Variants in ADGRB3 observed in about 807,000 individuals in gnomAD.
The protein encoded by ADGRB3 is adhesion G protein-coupled receptor B3.
In ADGRB3, 37 loss-of-function variants were observed where a neutral mutation model predicts 193.4. The ratio of observed to expected loss-of-function variants is 0.19; its 90% CI spans 0.15 to 0.25. The LOEUF (loss-of-function observed/expected upper bound fraction) is 0.25, where lower values mean the gene tolerates loss of function less well. ADGRB3 is among the 10% of genes least tolerant of loss of function. The pLI is 1.00. For missense variants in ADGRB3, 1,637 were observed against 1,852.9 expected (o/e 0.88, Z 2.14); for synonymous variants, 690 against 644.2 (o/e 1.07, Z -1.08).
intron 20 of ADGRB3, among the ~76,000 whole-genome samples, chr6:69,244,472 A>G (rs1417709163): frequency 6.6e-6 from 1 of 152,108 alleles, no homozygotes; most frequent in African/African-American, 2.4e-5. Flanking sequence ...CAATAGTCCC[A>G]GCTTCTGCAC....
chr6:68,880,569 T>A (rs552735784), intron 3 of ADGRB3, among the ~76,000 whole-genome samples: 31 of 152,296 alleles, frequency 2.0e-4, no homozygotes, highest in Non-Finnish European at 4.0e-4. Flanking sequence ...CCTGAGGGAC[T>A]CCTGAAGCTA....
chr6:69,037,782 C>T (rs1453142979), intron 13 of ADGRB3, among the ~76,000 whole-genome samples: 1 of 152,046 alleles, frequency 6.6e-6, no homozygotes, highest in African/African-American at 2.4e-5. Flanking sequence ...GTGTCATTTT[C>T]TCAATATCTT....
chr6:68,752,485 C>A (rs1477899547), intron 3 of ADGRB3, among the ~76,000 whole-genome samples: 1 of 152,018 alleles, frequency 6.6e-6, no homozygotes, highest in Non-Finnish European at 1.5e-5. Flanking sequence ...GTTGCCCAGA[C>A]TGGTCTCGAT....
intron 3 of ADGRB3, among the ~76,000 whole-genome samples, chr6:68,691,373 G>A (rs898021156): frequency 6.6e-6 from 1 of 151,992 alleles, no homozygotes; most frequent in Non-Finnish European, 1.5e-5. Flanking sequence ...CAGGCATTTG[G>A]TCGATTGATA....
At chr6:68,857,275 C>G (rs1765015071) in intron 3 of ADGRB3, among the ~76,000 whole-genome samples, 1 of 152,154 alleles carries the variant, frequency 6.6e-6, no homozygotes, top group South Asian at 2.1e-4. Flanking sequence ...CCTCCAGACC[C>G]CTGAATGGTA....
chr6:69,196,053 G>A (rs1040299343), intron 17 of ADGRB3, among the ~76,000 whole-genome samples: 1 of 152,076 alleles, frequency 6.6e-6, no homozygotes, highest in Admixed American at 6.6e-5. Flanking sequence ...TTTTAAATGT[G>A]AGACTCCTGG....
At chr6:69,299,284 G>A (rs906701627) in intron 20 of ADGRB3, among the ~76,000 whole-genome samples, 5 of 151,448 alleles carry the variant, frequency 3.3e-5, no homozygotes, top group Non-Finnish European at 7.4e-5. Flanking sequence ...TTTTGCTATT[G>A]AGTTGTTTGA....
At position 68,722,991 on chromosome 6, in the gene ADGRB3, G is replaced by GT. The variant is rs557184107; in HGVS notation, c.757+83566dup. 2.2e-4 allele frequency among the ~76,000 whole-genome samples: 34 copies of GT among 151,754 alleles called. No individual in the cohort carries two copies. In the East Asian group the frequency reaches 3.9e-3, roughly 17 times the overall value. On this transcript the variant is annotated intron_variant, in intron 3 of 31. Coordinates refer to ENST00000370598, the MANE Select transcript of ADGRB3 (RefSeq NM_001704.3). ...GTACACTCTGGAGGGACACTGTAGG[G>GT]TTTTTTTACAGGCATTCTTTTGGTG...
chr6:69,086,273 T>C (rs1050786922), intron 17 of ADGRB3, among the ~76,000 whole-genome samples: 7 of 152,134 alleles, frequency 4.6e-5, no homozygotes, highest in Non-Finnish European at 8.8e-5. Flanking sequence ...CTATATAGTA[T>C]ATAGAAAGCT....
intron 3 of ADGRB3, among the ~76,000 whole-genome samples, chr6:68,678,529 A>G (rs918423482): frequency 6.6e-6 from 1 of 152,210 alleles, no homozygotes. Flanking sequence ...TATAAAAGAC[A>G]GGTGGATAGA....
intron 16 of ADGRB3, among the ~76,000 whole-genome samples, chr6:69,067,896 A>G (rs1771953305): frequency 6.6e-6 from 1 of 152,172 alleles, no homozygotes; most frequent in African/African-American, 2.4e-5. Flanking sequence ...ATTCTTTAAA[A>G]ACACTTTAGT....
chr6:69,195,358 A>G (rs551673571), intron 17 of ADGRB3, among the ~76,000 whole-genome samples: 3 of 151,912 alleles, frequency 2.0e-5, no homozygotes, highest in African/African-American at 7.2e-5. Flanking sequence ...AGTGGACCCT[A>G]TTTCTACAAA....
chr6:68,837,247 C>T lies in ADGRB3; in HGVS notation c.758-93312C>T, dbSNP rs1223179189. Among the ~76,000 whole-genome samples the T allele has an allele frequency of 5.3e-5, 8 of 152,286 alleles. No individual in the cohort carries two copies. In the Middle Eastern group the frequency reaches 0.014, roughly 259 times the overall value. On this transcript the variant is annotated intron_variant, in intron 3 of 31. Transcript: ENST00000370598. ...AATTAAATCTGGGTTCATAAACCTG[C>T]TGCTTTTGATACTTGCTATATTATG...
intron 11 of ADGRB3, 92 bp from the exon 12 acceptor site, chr6:69,013,946 T>C: frequency 1.3e-6 from 1 of 741,338 alleles, no homozygotes; most frequent in South Asian, 2.1e-5. Flanking sequence ...AAAGTGCTTA[T>C]ACCTTTACCA....
At chr6:69,240,497 T>C (rs1024119956) in intron 20 of ADGRB3, among the ~76,000 whole-genome samples, 10 of 151,904 alleles carry the variant, frequency 6.6e-5, no homozygotes. Flanking sequence ...GTTATAAACA[T>C]TTAATACAAA....
In ADGRB3 at chr6:69,094,587, C is replaced by T. The variant is rs139188173; in HGVS notation, c.2480+18549C>T. 4.3e-3 allele frequency among the ~76,000 whole-genome samples: 659 copies of T among 152,194 alleles called. 8 individuals carry two copies. Among genetic ancestry groups the T allele is most frequent in the East Asian group, 0.022 (114 of 5,176 alleles). On this transcript the variant is annotated intron_variant, in intron 17 of 31. Coordinates refer to ENST00000370598, the MANE Select transcript of ADGRB3 (RefSeq NM_001704.3). ...TGCTGTTGAAAGCTATATGTCATAC[C>T]GTGTTTACAATTGTAGTTATCAGAA...
At chr6:68,737,003 A>G (rs887350913) in intron 3 of ADGRB3, among the ~76,000 whole-genome samples, 3 of 152,108 alleles carry the variant, frequency 2.0e-5, no homozygotes, top group Non-Finnish European at 2.9e-5. Flanking sequence ...ATTTTCCCAT[A>G]TAGTAGCAAA....
At position 69,048,093 on chromosome 6, in the gene ADGRB3, T is replaced by A. The variant is rs1771289435; in HGVS notation, c.2108-92T>A. 5 of 1,321,980 alleles carry A rather than the reference T, an allele frequency of 3.8e-6. No individual in the cohort carries two copies. The East Asian group carries it at 1.2e-4, about 32-fold the overall frequency. The allele number at this position is 1,321,980 out of a possible 1,614,324, so 81.9% of individuals were successfully genotyped here. On this transcript the variant is annotated intron_variant, in intron 13 of 31. Coordinates refer to ENST00000370598, the MANE Select transcript of ADGRB3 (RefSeq NM_001704.3). ...ATACAATTTTGACTTGAAATTTTAT[T>A]TTGAATATACTGCAAGATTTACCTT...
intron 3 of ADGRB3, among the ~76,000 whole-genome samples, chr6:68,770,513 C>T (rs1035180973): frequency 1.1e-4 from 16 of 152,022 alleles, no homozygotes; most frequent in African/African-American, 3.9e-4. Context: ...AATTAATTTT[C>T]TCCTCATTCA....
Sources: allele counts gnomAD v4.1 joint callset (sites outside exome capture counted in the v4.1 genomes callset), GRCh38; gene constraint gnomAD v4.1.1; transcripts MANE v1.5; gene names NCBI Gene and HGNC (gene_info 2026-07-23, HGNC 2026-07-21).